The following CFAP221 variants were observed in gnomAD, a reference collection of about 807,000 sequenced individuals.
CFAP221 encodes cilia and flagella associated protein 221.
A neutral mutation model predicts 113.1 loss-of-function variants in CFAP221; 97 were observed. The ratio of observed to expected loss-of-function variants is 0.86; its 90% CI spans 0.73 to 1.02. CFAP221 has a LOEUF of 1.02. CFAP221 is among the 50% of genes least tolerant of loss of function. The probability of loss-of-function intolerance (pLI) is 0.00; values close to 1 mark genes in which losing one functional copy is unlikely to be tolerated. For synonymous variants in CFAP221, 331 were observed against 354.4 expected, an observed-to-expected ratio of 0.93 and a Z score of 0.74; for missense variants, 1,025 against 1,013.4, an observed-to-expected ratio of 1.01 and a Z score of -0.16.
At chr2:119,621,539 G>A (rs111508251) in intron 14 of CFAP221, among the ~76,000 whole-genome samples, 2,133 of 152,228 alleles carry the variant, frequency 0.014, 25 homozygotes, top group Non-Finnish European at 0.021. Context: ...GGACCAAGTG[G>A]ACCTAATAAA....
rs1410400308 is a variant in CFAP221 at position 119,627,667 on chromosome 2, A to G, written c.1531A>G (p.Lys511Glu). 6.2e-7 allele frequency: 1 copy of G among 1,613,502 alleles called. No individual in the cohort carries two copies. The highest frequency in any genetic ancestry group is 1.3e-5 in the African/African-American group (1 of 74,770). The change falls in exon 16 of 24, where the codon AAA becomes GAA. Residue 511 changes from lysine to glutamate, a missense_variant. Transcript: ENST00000413369. ...QSIAQEANFF[K>E]FFLRRISQDD... ...TTCACCCATAGAGGCGAATTTCTTC[A>G]AATTCTTCCTGAGGCGGATCAGTCA...
rs182608199 is a variant in CFAP221, at chr2:119,598,298, C to G, written c.632-2920C>G. 1.2e-3 allele frequency among the ~76,000 whole-genome samples: 180 copies of G among 152,296 alleles called. 1 individual carries two copies. The highest frequency in any genetic ancestry group is 9.8e-3 in the East Asian group (51 of 5,182). On this transcript the variant is annotated intron_variant, in intron 7 of 23. Transcript: ENST00000413369. ...TGTCTCCTTTTAATAACTTTTCATA[C>G]TTTTGCACATGCTTTATATAATTGT...
At chr2:119,546,501 T>C (rs1290639351) in intron 2 of CFAP221, among the ~76,000 whole-genome samples, 1 of 152,232 alleles carries the variant, frequency 6.6e-6, no homozygotes, top group Admixed American at 6.5e-5. Flanking sequence ...TCTTCTAATG[T>C]CTTTCCTATC....
chr2:119,627,872 A>C (rs976476793), intron 16 of CFAP221, 86 bp downstream of exon 16: 4 of 1,534,732 alleles, frequency 2.6e-6, no homozygotes. Flanking sequence ...CCTCAGTCTC[A>C]GTCCCTTCAC....
chr2:119,585,139 G>A (rs994354131), intron 6 of CFAP221, among the ~76,000 whole-genome samples: 2 of 152,094 alleles, frequency 1.3e-5, no homozygotes, highest in Admixed American at 6.6e-5. Context: ...TATATCCATG[G>A]ATAAATCTCA....
intron 6 of CFAP221, among the ~76,000 whole-genome samples, chr2:119,566,561 C>G (rs1043458616): frequency 6.6e-6 from 1 of 152,244 alleles, no homozygotes; most frequent in African/African-American, 2.4e-5. Flanking sequence ...GAGTACCCCC[C>G]CAGCTCCTAC....
intron 6 of CFAP221, among the ~76,000 whole-genome samples, chr2:119,564,939 T>G (rs914894960): frequency 6.6e-6 from 1 of 152,160 alleles, no homozygotes; most frequent in Non-Finnish European, 1.5e-5. Flanking sequence ...CAGCACAGAT[T>G]GGGTTACTAT....
At chr2:119,583,785 G>A (rs914203505) in intron 6 of CFAP221, among the ~76,000 whole-genome samples, 1 of 152,192 alleles carries the variant, frequency 6.6e-6, no homozygotes, top group African/African-American at 2.4e-5. Context: ...AACAGGATTA[G>A]TGTCCTTATA....
At position 119,611,701 on chromosome 2, in the gene CFAP221, A is replaced by G; in HGVS notation, c.1270A>G (p.Thr424Ala). 1.9e-6 allele frequency: 3 copies of G among 1,613,978 alleles called. No homozygotes were observed. Among genetic ancestry groups the G allele is most frequent in the Non-Finnish European group, 2.5e-6 (3 of 1,179,978 alleles). Reference sequence around the variant, plus strand: ...GGATGAGGAATTTCAGCGACTTAAAACAGAAGTTAGCCATAAACGGGTTGT... The same window carrying G: ...GGATGAGGAATTTCAGCGACTTAAAGCAGAAGTTAGCCATAAACGGGTTGT... ...ILDEEFQRLK[T>A]EVSHKRVVRN... Residue 424 changes from threonine (T) to alanine (A), a missense_variant, in exon 13 of 24, where the codon ACA becomes GCA. Thr to Ala is a moderately conservative substitution (Grantham distance 58, BLOSUM62 0). Coordinates refer to ENST00000413369, the MANE Select transcript of CFAP221 (RefSeq NM_001271049.2).
In CFAP221 at chr2:119,582,838, GA is replaced by G. The variant is rs546454586; in HGVS notation, c.528-4275del. On this transcript the variant is annotated intron_variant, in intron 6 of 23. Coordinates refer to ENST00000413369, the MANE Select transcript of CFAP221 (RefSeq NM_001271049.2). ...ATCTATAGCTGCCAAGTCATAGGAG[GA>G]AAAAAGTAGAAATATAAAAGCAATC... Among the ~76,000 whole-genome samples, 104 of 151,430 alleles carry G rather than the reference GA, an allele frequency of 6.9e-4. 1 individual carries two copies. In the South Asian group the frequency reaches 0.021, roughly 31 times the overall value.
At chr2:119,639,703 T>G in intron 20 of CFAP221, 78 bp from the exon 21 acceptor site, 1 of 1,156,868 alleles carries the variant, frequency 8.6e-7, no homozygotes, top group Non-Finnish European at 1.3e-6. Context: ...GTCTGAAAAA[T>G]AGTTGAATAA....
chr2:119,588,465 A>G (rs1243188536), intron 7 of CFAP221, among the ~76,000 whole-genome samples: 1 of 152,188 alleles, frequency 6.6e-6, no homozygotes, highest in Admixed American at 6.5e-5. Flanking sequence ...GTGACCTAAG[A>G]CTCAGAATAT....
chr2:119,653,325 G>A (rs1688239190), intron 23 of CFAP221, among the ~76,000 whole-genome samples: 1 of 152,058 alleles, frequency 6.6e-6, no homozygotes, highest in South Asian at 2.1e-4. Context: ...AGGTTTCAGT[G>A]AGCCAAGATC....
At chr2:119,638,127 C>A in intron 19 of CFAP221, 132 bp from the exon 20 acceptor site, 1 of 862,056 alleles carries the variant, frequency 1.2e-6, no homozygotes, top group Non-Finnish European at 1.7e-6. Context: ...TTCTCTTTTC[C>A]AGACAAGCTG....
chr2:119,598,002 C>T (rs1267629805), intron 7 of CFAP221, among the ~76,000 whole-genome samples: 2 of 152,132 alleles, frequency 1.3e-5, no homozygotes, highest in Non-Finnish European at 1.5e-5. Context: ...AGGAGGTCAG[C>T]GTGAATCGGC....
At chr2:119,605,113 G>A in intron 10 of CFAP221, 68 bp from the exon 11 acceptor site, 6 of 1,490,622 alleles carry the variant, frequency 4.0e-6, no homozygotes, top group South Asian at 1.1e-5. Context: ...CATTAGAAAT[G>A]TGTTTTTCTC....
intron 13 of CFAP221, among the ~76,000 whole-genome samples, chr2:119,613,611 A>G (rs1006170733): frequency 6.6e-6 from 1 of 152,158 alleles, no homozygotes; most frequent in Non-Finnish European, 1.5e-5. Context: ...TATGGCTGGG[A>G]CACAGGGCAC....
At chr2:119,588,449 A>G (rs1185957349) in intron 7 of CFAP221, among the ~76,000 whole-genome samples, 2 of 152,208 alleles carry the variant, frequency 1.3e-5, no homozygotes, top group African/African-American at 4.8e-5. Flanking sequence ...ACTTCTCTAA[A>G]AAACTGTGAC....
intron 17 of CFAP221, 100 bp from the exon 18 acceptor site, chr2:119,630,470 A>T: frequency 1.2e-6 from 1 of 863,462 alleles, no homozygotes; most frequent in Non-Finnish European, 1.8e-6. Flanking sequence ...TGCTTGTCTT[A>T]CTTTTACCAC....
Sources: gnomAD v4.1 joint callset for allele counts (sites outside exome capture counted in the v4.1 genomes callset) on GRCh38, gnomAD v4.1.1 for gene constraint, MANE v1.5 for transcripts, NCBI Gene and HGNC (gene_info 2026-07-23, HGNC 2026-07-21) for gene names.